The following PLXDC1 variants were observed in gnomAD, a reference collection of about 807,000 sequenced individuals.
PLXDC1 encodes plexin domain-containing protein 1.
Under a neutral mutation model 61.3 loss-of-function variants are expected in PLXDC1, and 39 were observed. The ratio of observed to expected loss-of-function variants is 0.64; its 90% CI spans 0.49 to 0.83. The LOEUF (loss-of-function observed/expected upper bound fraction) is 0.83, where lower values mean the gene tolerates loss of function less well. PLXDC1 is among the 40% of genes least tolerant of loss of function. The probability of loss-of-function intolerance (pLI) is 0.00; values close to 1 mark genes in which losing one functional copy is unlikely to be tolerated. For synonymous variants in PLXDC1, 212 were observed against 254.5 expected, an observed-to-expected ratio of 0.83 and a Z score of 1.59; for missense variants, 596 against 666.5, an observed-to-expected ratio of 0.89 and a Z score of 1.17.
intron 2 of PLXDC1, among the ~76,000 whole-genome samples, chr17:39,126,548 T>C (rs752714195): frequency 6.6e-6 from 1 of 152,126 alleles, no homozygotes. Context: ...AAAAGACTCA[T>C]AAAAACAAGT....
chr17:39,148,436 A>C (rs2045354598), intron 1 of PLXDC1, among the ~76,000 whole-genome samples: 1 of 151,444 alleles, frequency 6.6e-6, no homozygotes, highest in Non-Finnish European at 1.5e-5. Context: ...GCTGGAGTGC[A>C]GTGGTGCGAT....
rs199510802 is a variant in PLXDC1, at chr17:39,087,608, C to T, written c.906G>A (p.Pro302=). Residue 302 remains proline (P), a splice_region_variant and synonymous_variant, in exon 8 of 14, where the codon CCG becomes CCA. Transcript: ENST00000315392. ...GATGGCGGAATGACCCCTACTCACT[C>T]GGCAATGGGGTGAACTCCACGGCCG... ...SMSAVEFTPL[P]TCLQHRSCDA... 1.7e-5 allele frequency: 27 copies of T among 1,611,688 alleles called. No homozygotes were observed. The highest frequency in any genetic ancestry group is 3.3e-5 in the Admixed American group (2 of 59,996).
At chr17:39,135,630 G>T (rs1397666070) in intron 2 of PLXDC1, among the ~76,000 whole-genome samples, 1 of 146,126 alleles carries the variant, frequency 6.8e-6, no homozygotes, top group African/African-American at 2.5e-5. Flanking sequence ...TAAACCGAGA[G>T]ATTACACCAC....
At chr17:39,106,695 G>T (rs1286996076) in intron 6 of PLXDC1, among the ~76,000 whole-genome samples, 1 of 145,718 alleles carries the variant, frequency 6.9e-6, no homozygotes, top group Non-Finnish European at 1.5e-5. Flanking sequence ...TGTTGCCCAG[G>T]CTGGAGTGCA....
intron 2 of PLXDC1, among the ~76,000 whole-genome samples, chr17:39,135,370 G>C (rs1184000216): frequency 6.6e-6 from 1 of 152,148 alleles, no homozygotes; most frequent in Non-Finnish European, 1.5e-5. Context: ...AAATTGGTTT[G>C]AAATCTTATA....
intron 2 of PLXDC1, chr17:39,111,732 T>G (rs532483841): frequency 6.6e-6 from 1 of 152,286 alleles, no homozygotes; most frequent in Non-Finnish European, 1.5e-5. Context: ...GGGGCCACTC[T>G]TGTTGGATTC....
intron 2 of PLXDC1, 116 bp downstream of exon 2, chr17:39,139,537 TC>T: frequency 1.0e-6 from 1 of 996,152 alleles, no homozygotes; most frequent in Non-Finnish European, 1.5e-6. Flanking sequence ...CACCCTGTCC[TC>T]CGGGGCCAAC....
chr17:39,078,111 C>T, intron 10 of PLXDC1, 63 bp from the exon 11 acceptor site: 5 of 1,453,668 alleles, frequency 3.4e-6, no homozygotes, highest in Non-Finnish European at 3.7e-6. Flanking sequence ...ATCCTGAAAG[C>T]ATCTTCTCTT....
intron 2 of PLXDC1, among the ~76,000 whole-genome samples, chr17:39,126,130 T>G (rs1911305185): frequency 6.6e-6 from 1 of 152,168 alleles, no homozygotes; most frequent in South Asian, 2.1e-4. Context: ...GGCGCATGCC[T>G]GTAATCCTAG....
At chr17:39,118,049 A>C (rs1485251566) in intron 2 of PLXDC1, among the ~76,000 whole-genome samples, 1 of 150,692 alleles carries the variant, frequency 6.6e-6, no homozygotes, top group African/African-American at 2.5e-5. Context: ...CAGTCCTTTT[A>C]GTCTAGAATT....
chr17:39,110,790 C>T (rs1910771480), intron 2 of PLXDC1, among the ~76,000 whole-genome samples: 1 of 152,244 alleles, frequency 6.6e-6, no homozygotes, highest in African/African-American at 2.4e-5. Flanking sequence ...CCAGAAGGCA[C>T]TCTGCTCTTA....
At chr17:39,086,859 C>CAAAAAAAAAAAAAAAAAAAAAAAAA (rs765774886) in intron 8 of PLXDC1, among the ~76,000 whole-genome samples, 8 of 71,498 alleles carry the variant, frequency 1.1e-4, no homozygotes, top group South Asian at 7.1e-4. Context: ...GAGACTGTCT[C>CAAAAAAAAAAAAAAAAAAAAAAAAA]AAAAAAAAAA....
At chr17:39,139,967 G>A (rs747255679) in intron 1 of PLXDC1, 135 bp from the exon 2 acceptor site, 1 of 820,836 alleles carries the variant, frequency 1.2e-6, no homozygotes, top group South Asian at 1.9e-5. Flanking sequence ...TGACTACCAG[G>A]ACAGGAGACA....
chr17:39,086,588 G>A (rs1017196642), intron 8 of PLXDC1, among the ~76,000 whole-genome samples: 3 of 152,096 alleles, frequency 2.0e-5, no homozygotes, highest in African/African-American at 4.8e-5. Context: ...AGCACCAGGC[G>A]TGGTGGCTCA....
intron 11 of PLXDC1, among the ~76,000 whole-genome samples, chr17:39,074,566 A>G (rs1909250531): frequency 2.6e-5 from 4 of 152,298 alleles, no homozygotes; most frequent in South Asian, 4.1e-4. Flanking sequence ...TGTAGGACAG[A>G]GGACCTACAT....
rs903060699 is a variant in PLXDC1, at chr17:39,107,498, T to A, written c.620A>T (p.His207Leu). 6.2e-7 allele frequency: 1 copy of A among 1,613,812 alleles called. No homozygotes were observed. Among genetic ancestry groups the A allele is most frequent in the African/African-American group, 1.3e-5 (1 of 74,986 alleles). Residue 207 changes from histidine to leucine, a missense_variant, in exon 6 of 14, where the codon CAC becomes CTC. His to Leu is a moderately conservative substitution (Grantham distance 99). Coordinates refer to ENST00000315392, the MANE Select transcript of PLXDC1 (RefSeq NM_020405.5). ...GTCTTCCCAGCCTTGGAGATAAACG[T>A]GGTCCCACTGAACCACAAAGACTGT... Reference protein sequence around the residue: ...NGTVFVVQWDHVYLQGWEDKG... With the variant: ...NGTVFVVQWDLVYLQGWEDKG...
At chr17:39,129,997 A>G (rs1911507053) in intron 2 of PLXDC1, among the ~76,000 whole-genome samples, 1 of 152,278 alleles carries the variant, frequency 6.6e-6, no homozygotes, top group Admixed American at 6.5e-5. Context: ...GAAAGAAACC[A>G]GACATAAAAC....
At chr17:39,099,469 C>T (rs1009943910) in intron 7 of PLXDC1, among the ~76,000 whole-genome samples, 1 of 152,060 alleles carries the variant, frequency 6.6e-6, no homozygotes, top group Non-Finnish European at 1.5e-5. Flanking sequence ...ACATGGGATG[C>T]AGGATAGGGA....
chr17:39,084,090 G>A (rs1219406896), intron 8 of PLXDC1, among the ~76,000 whole-genome samples: 1 of 152,130 alleles, frequency 6.6e-6, no homozygotes, highest in Admixed American at 6.5e-5. Context: ...GGTCTATGAC[G>A]GCAAATCACA....
Sources: allele counts gnomAD v4.1 joint callset (sites outside exome capture counted in the v4.1 genomes callset), GRCh38; gene constraint gnomAD v4.1.1; transcripts MANE v1.5; gene names NCBI Gene and HGNC (gene_info 2026-07-23, HGNC 2026-07-21).